Variants in NTN4 observed in about 807,000 individuals in gnomAD.
NTN4 encodes netrin-4.
In NTN4, 32 loss-of-function variants were observed where a neutral mutation model predicts 73.6. That is an observed-to-expected ratio of 0.44 (90% CI 0.33 to 0.58). NTN4 has a LOEUF of 0.58. NTN4 is among the 20% of genes least tolerant of loss of function. NTN4 has a pLI of 0.04. For missense variants in NTN4, 654 were observed against 798.3 expected (o/e 0.82, Z 2.18); for synonymous variants, 258 against 287.5 (o/e 0.90, Z 1.04).
chr12:95,720,721 A>G (rs2078641577), intron 3 of NTN4, among the ~76,000 whole-genome samples: 1 of 152,184 alleles, frequency 6.6e-6, no homozygotes, highest in African/African-American at 2.4e-5. Context: ...ATACAGGTTT[A>G]TACCTGGGCA....
chr12:95,733,262 G>A (rs1197035857), intron 3 of NTN4, among the ~76,000 whole-genome samples: 1 of 152,196 alleles, frequency 6.6e-6, no homozygotes, highest in Non-Finnish European at 1.5e-5. Context: ...GCTGCAAAGA[G>A]AAAAAAGCTT....
At position 95,787,344 on chromosome 12, in the gene NTN4, C is replaced by A; in HGVS notation, c.180G>T (p.Leu60=). 6.2e-7 allele frequency: 1 copy of A among 1,614,238 alleles called. No individual in the cohort carries two copies. The highest frequency in any genetic ancestry group is 8.5e-7 in the Non-Finnish European group (1 of 1,180,046). Residue 60 remains leucine (L), a synonymous_variant, in exon 2 of 10, where the codon CTG becomes CTT. Transcript: ENST00000343702. ...DTTCGQNATE[L]YCFYSENTDL... ...CCGTGTTCTCACTGTAGAAGCAGTA[C>A]AGTTCGGTAGCATTCTGACCGCAGG...
intron 3 of NTN4, among the ~76,000 whole-genome samples, chr12:95,721,918 A>G (rs2078650723): frequency 6.6e-6 from 1 of 152,208 alleles, no homozygotes; most frequent in African/African-American, 2.4e-5. Context: ...GTGCATGTGC[A>G]TGCACACGTG....
In NTN4 at chr12:95,658,478, GTGC is replaced by G. The variant is rs2078109129; in HGVS notation, c.*605_*607del. 1 of 152,636 alleles carries G rather than the reference GTGC, an allele frequency of 6.6e-6. No homozygotes were observed. Among genetic ancestry groups the G allele is most frequent in the Admixed American group, 6.5e-5 (1 of 15,278 alleles). 9.5% of individuals were successfully genotyped at this position (152,636 alleles called of 1,614,324 possible). A position where few individuals can be genotyped will look rare whatever the true frequency, so the allele number is the denominator to read the frequency against. ...TCACTTTTGTCCACATGTAGTGGCAGTGCTGCTGCTTCAGTAGGCTTTCTCACA... is the reference window on the plus strand; with the variant it reads ...TCACTTTTGTCCACATGTAGTGGCAGTGCTGCTTCAGTAGGCTTTCTCACA... On this transcript the variant is annotated 3_prime_UTR_variant, in exon 10 of 10. Coordinates refer to ENST00000343702, the MANE Select transcript of NTN4 (RefSeq NM_021229.4).
At chr12:95,757,688 C>CAA (rs58691121) in intron 2 of NTN4, among the ~76,000 whole-genome samples, 6 of 97,674 alleles carry the variant, frequency 6.1e-5, no homozygotes, top group South Asian at 5.2e-4. Flanking sequence ...AAAAATAATA[C>CAA]AAAAAAAAAA....
intron 5 of NTN4, among the ~76,000 whole-genome samples, chr12:95,689,962 C>T (rs1335210433): frequency 5.9e-5 from 9 of 152,134 alleles, no homozygotes; most frequent in Non-Finnish European, 1.2e-4. Flanking sequence ...CAGTGCTTAG[C>T]GGAGGCAGAC....
intron 2 of NTN4, among the ~76,000 whole-genome samples, chr12:95,759,146 G>A (rs1384202136): frequency 1.3e-5 from 2 of 152,122 alleles, no homozygotes; most frequent in South Asian, 2.1e-4. Flanking sequence ...TTGAATCAGC[G>A]TGGTAACTTT....
At chr12:95,659,400 A>G (rs1469414683) in intron 9 of NTN4, among the ~76,000 whole-genome samples, 178 bp from the exon 10 acceptor site, 1 of 152,034 alleles carries the variant, frequency 6.6e-6, no homozygotes, top group African/African-American at 2.4e-5. Flanking sequence ...GGTTTAGGTA[A>G]TCCTCCCTCC....
intron 2 of NTN4, among the ~76,000 whole-genome samples, chr12:95,761,017 A>G (rs7956096): frequency 0.11 from 15,991 of 152,200 alleles, 1,857 homozygotes; most frequent in African/African-American, 0.29. Context: ...TGCTTCCTAT[A>G]TAGTTTGTTG....
chr12:95,758,422 T>G (rs770288142), intron 2 of NTN4, among the ~76,000 whole-genome samples: 1 of 152,224 alleles, frequency 6.6e-6, no homozygotes, highest in Non-Finnish European at 1.5e-5. Context: ...AATTCTTGTT[T>G]TCTTCTTATT....
intron 5 of NTN4, among the ~76,000 whole-genome samples, chr12:95,699,505 C>T (rs1246208054): frequency 1.3e-5 from 2 of 151,946 alleles, no homozygotes; most frequent in Non-Finnish European, 2.9e-5. Context: ...CTGAGAGCAT[C>T]ATGAGAAGGG....
At chr12:95,682,685 T>C (rs1247216554) in intron 7 of NTN4, 22 bp downstream of exon 7, 13 of 1,508,696 alleles carry the variant, frequency 8.6e-6, no homozygotes, top group African/African-American at 1.4e-5. Flanking sequence ...GAAAATATGA[T>C]GCCTGGTTAC....
At chr12:95,662,253 C>G (rs1374027930) in intron 9 of NTN4, among the ~76,000 whole-genome samples, 1 of 49,752 alleles carries the variant, frequency 2.0e-5, no homozygotes, top group Non-Finnish European at 3.6e-5. Context: ...TTTTTTTTGA[C>G]AGGGTCTCAC....
At chr12:95,688,063 G>A (rs2078375343) in intron 5 of NTN4, among the ~76,000 whole-genome samples, 1 of 152,152 alleles carries the variant, frequency 6.6e-6, no homozygotes, top group African/African-American at 2.4e-5. Context: ...GTTGAATTTT[G>A]TCCTATGGGC....
At chr12:95,759,080 C>T (rs895405735) in intron 2 of NTN4, among the ~76,000 whole-genome samples, 56 of 152,192 alleles carry the variant, frequency 3.7e-4, no homozygotes, top group African/African-American at 1.2e-3. Context: ...TGTCCCTTCA[C>T]ATATGAATGT....
chr12:95,711,448 G>A (rs550802483), intron 4 of NTN4, among the ~76,000 whole-genome samples: 1 of 152,174 alleles, frequency 6.6e-6, no homozygotes, highest in African/African-American at 2.4e-5. Flanking sequence ...AAGAAAAGCT[G>A]AGATTGTCAG....
chr12:95,684,434 G>A (rs1011682526), intron 5 of NTN4, among the ~76,000 whole-genome samples: 2 of 151,762 alleles, frequency 1.3e-5, no homozygotes, highest in Admixed American at 1.3e-4. Context: ...GAGTAGGTGG[G>A]ACTACAAGCC....
intron 2 of NTN4, among the ~76,000 whole-genome samples, chr12:95,780,253 G>T (rs1307687224): frequency 1.3e-5 from 2 of 152,174 alleles, no homozygotes; most frequent in African/African-American, 4.8e-5. Flanking sequence ...AGGACTTCAT[G>T]TCTAAAACAC....
intron 5 of NTN4, among the ~76,000 whole-genome samples, chr12:95,709,812 C>T (rs1036939975): frequency 1.3e-5 from 2 of 152,174 alleles, no homozygotes; most frequent in Non-Finnish European, 2.9e-5. Context: ...GGATTACAGA[C>T]ATAAGGCACC....
Sources: allele counts gnomAD v4.1 joint callset (sites outside exome capture counted in the v4.1 genomes callset), GRCh38; gene constraint gnomAD v4.1.1; transcripts MANE v1.5; gene names NCBI Gene and HGNC (gene_info 2026-07-23, HGNC 2026-07-21).